The following PLCZ1 variants were observed in gnomAD, a reference collection of about 807,000 sequenced individuals.
PLCZ1 encodes the protein 1-phosphatidylinositol 4,5-bisphosphate phosphodiesterase zeta-1.
In PLCZ1, 64 loss-of-function variants were observed where a neutral mutation model predicts 76.8. The observed-to-expected ratio is 0.83, with a 90% CI of 0.68 to 1.03. PLCZ1 has a LOEUF of 1.03. Among genes scored for constraint, PLCZ1 ranks in the 50% least tolerant of loss-of-function variants. PLCZ1 has a pLI of 0.00. For missense variants in PLCZ1, 751 were observed against 713.7 expected, an observed-to-expected ratio of 1.05 and a Z score of -0.60; for synonymous variants, 248 against 230.8, an observed-to-expected ratio of 1.07 and a Z score of -0.68.
chr12:18,671,531 C>A, the PLCZ1 span, among the ~76,000 whole-genome samples: 3 of 152,096 alleles, frequency 2.0e-5, no homozygotes, highest in African/African-American at 7.2e-5. Flanking sequence ...AGGCACCACC[C>A]ATGTGTGGCT....
At chr12:18,710,633 G>T (rs1300026973) in intron 6 of PLCZ1, among the ~76,000 whole-genome samples, 1 of 152,124 alleles carries the variant, frequency 6.6e-6, no homozygotes, top group Non-Finnish European at 1.5e-5. Context: ...AGAGAAGAGG[G>T]CAGTGGGATC....
chr12:18,703,942 G>A (rs35703504), intron 7 of PLCZ1, among the ~76,000 whole-genome samples: 5,431 of 152,250 alleles, frequency 0.036, 134 homozygotes, highest in East Asian at 0.08. Flanking sequence ...ATGAAGACAT[G>A]TCAAAACCAA....
chr12:18,711,757 A>G (rs564494718), intron 6 of PLCZ1, among the ~76,000 whole-genome samples: 2 of 152,100 alleles, frequency 1.3e-5, no homozygotes, highest in Admixed American at 6.5e-5. Context: ...AAATATGCCT[A>G]TTCATATCCA....
intron 3 of PLCZ1, among the ~76,000 whole-genome samples, chr12:18,725,820 G>C (rs945651652): frequency 4.0e-5 from 6 of 151,880 alleles, no homozygotes; most frequent in Non-Finnish European, 7.4e-5. Flanking sequence ...CCTTCTTTCT[G>C]TTTAAATTAC....
intron 13 of PLCZ1, among the ~76,000 whole-genome samples, chr12:18,684,626 G>A (rs987594709): frequency 6.6e-6 from 1 of 152,070 alleles, no homozygotes; most frequent in African/African-American, 2.4e-5. Flanking sequence ...AAAACGGGGA[G>A]TCTGACTTCA....
At chr12:18,656,011 CAA>C in the PLCZ1 span, among the ~76,000 whole-genome samples, 1 of 152,094 alleles carries the variant, frequency 6.6e-6, no homozygotes, top group Non-Finnish European at 1.5e-5. Flanking sequence ...TAGCTAATAA[CAA>C]TATATCAATA....
the PLCZ1 span, among the ~76,000 whole-genome samples, chr12:18,661,072 G>A: frequency 1.3e-5 from 2 of 152,048 alleles, no homozygotes; most frequent in East Asian, 1.9e-4. Context: ...AAGAATTGAT[G>A]AACTTGAGGA....
chr12:18,701,349 C>T, intron 9 of PLCZ1, 152 bp downstream of exon 9: 1 of 1,392,132 alleles, frequency 7.2e-7, no homozygotes, highest in Non-Finnish European at 9.6e-7. Context: ...TCATCTTCCA[C>T]CATCGATGTT....
At chr12:18,681,701 T>C (rs796771356), downstream of PLCZ1, among the ~76,000 whole-genome samples, 7 of 152,174 alleles carry the variant, frequency 4.6e-5, no homozygotes, top group African/African-American at 1.7e-4. Flanking sequence ...GTATTCCTAA[T>C]ATAGAGTGGA....
chr12:18,685,148 G>C (rs77905449), intron 13 of PLCZ1, among the ~76,000 whole-genome samples: 6,638 of 152,022 alleles, frequency 0.044, 483 homozygotes, highest in African/African-American at 0.15. Context: ...TTAGTTGTTA[G>C]ACTGAAAGCT....
chr12:18,683,658 C>T, intron 14 of PLCZ1: 1 of 1,320,268 alleles, frequency 7.6e-7, no homozygotes, highest in Non-Finnish European at 1.0e-6. Context: ...CATATTGAGA[C>T]AAGGTAATTG....
chr12:18,690,571 G>A (rs1001026824), intron 12 of PLCZ1, among the ~76,000 whole-genome samples: 17 of 152,114 alleles, frequency 1.1e-4, no homozygotes, highest in African/African-American at 4.1e-4. Context: ...GAGAAGACAA[G>A]TTACAAGTAA....
intron 11 of PLCZ1, 32 bp from the exon 12 acceptor site, chr12:18,695,111 G>A: frequency 6.3e-7 from 1 of 1,588,124 alleles, no homozygotes; most frequent in Non-Finnish European, 8.6e-7. Context: ...ACATTGTCAG[G>A]TAATAGAGAA....
chr12:18,661,709 G>A, the PLCZ1 span, among the ~76,000 whole-genome samples: 5 of 152,182 alleles, frequency 3.3e-5, no homozygotes, highest in African/African-American at 1.2e-4. Context: ...AAAGAAATTA[G>A]GTCAGCCATT....
chr12:18,678,473 C>A (rs559710952), downstream of PLCZ1, among the ~76,000 whole-genome samples: 5 of 152,100 alleles, frequency 3.3e-5, no homozygotes, highest in South Asian at 1.0e-3. Flanking sequence ...TCCATCCATG[C>A]CAAAAATTTC....
chr12:18,696,135 T>C lies in PLCZ1; in HGVS notation c.1291+15A>G, dbSNP rs1367225592. 8.1e-7 allele frequency: 1 copy of C among 1,238,868 alleles called. No homozygotes were observed. The highest frequency in any genetic ancestry group is 1.2e-6 in the Non-Finnish European group (1 of 845,044). 76.7% of individuals were successfully genotyped at this position (1,238,868 alleles called of 1,614,324 possible). A position where few individuals can be genotyped will look rare whatever the true frequency, so the allele number is the denominator to read the frequency against. On this transcript the variant is annotated intron_variant, in intron 11 of 14. Coordinates refer to ENST00000266505, the MANE Select transcript of PLCZ1 (RefSeq NM_033123.4). ...TGTTACTTCTGCAAACAACTCAATA[T>C]CGTATATAACATACCCATTTGACAA...
chr12:18,705,028 T>C (rs991100815), intron 7 of PLCZ1, 138 bp downstream of exon 7: 6 of 1,008,640 alleles, frequency 5.9e-6, no homozygotes, highest in Admixed American at 2.0e-5. Context: ...CTAGGCAACA[T>C]TGCAAAAATA....
chr12:18,724,668 T>C (rs1958647532), intron 3 of PLCZ1, among the ~76,000 whole-genome samples: 1 of 152,136 alleles, frequency 6.6e-6, no homozygotes, highest in Non-Finnish European at 1.5e-5. Flanking sequence ...CTTACTTAAA[T>C]AACATGCTTC....
At chr12:18,736,601 C>T (rs1959296789) in intron 2 of PLCZ1, 2 of 903,526 alleles carry the variant, frequency 2.2e-6, no homozygotes, top group Admixed American at 3.4e-5. Context: ...GAATTGAAGT[C>T]ATTACTTAGA....
Sources: gnomAD v4.1 joint callset for allele counts (sites outside exome capture counted in the v4.1 genomes callset) on GRCh38, gnomAD v4.1.1 for gene constraint, MANE v1.5 for transcripts, NCBI Gene and HGNC (gene_info 2026-07-23, HGNC 2026-07-21) for gene names.